The following PRKG1 variants were observed in gnomAD, a reference collection of about 807,000 sequenced individuals.
PRKG1 encodes cGMP-dependent protein kinase 1.
A neutral mutation model predicts 88.1 loss-of-function variants in PRKG1; 35 were observed. That is an observed-to-expected ratio of 0.40 (90% CI 0.30 to 0.53). PRKG1 has a LOEUF of 0.53. PRKG1 is among the 20% of genes least tolerant of loss of function. The pLI, the probability that PRKG1 is intolerant of heterozygous loss-of-function variation, is 0.59. For missense variants in PRKG1, 540 were observed against 839.8 expected, an observed-to-expected ratio of 0.64 and a Z score of 4.41; for synonymous variants, 303 against 292.5, an observed-to-expected ratio of 1.04 and a Z score of -0.37.
chr10:52,023,561 A>G (rs1324972613), intron 5 of PRKG1, among the ~76,000 whole-genome samples: 3 of 152,192 alleles, frequency 2.0e-5, no homozygotes, highest in African/African-American at 4.8e-5. Flanking sequence ...GTTTCTCCAC[A>G]TCCTCTCCAG....
Position 51,114,519 on chromosome 10 carries a change from A to C in PRKG1, c.312-38645A>C, listed in dbSNP as rs557087455. Among the ~76,000 whole-genome samples the C allele has an allele frequency of 5.9e-5, 9 of 152,152 alleles. No individual in the cohort carries two copies. The East Asian group carries it at 1.5e-3, about 26-fold the overall frequency. ...GGAGGGGGACAAGGTGGGAAGGGGA[A>C]CAAGAGAAATATAAAGGTAAATAAC... On this transcript the variant is annotated intron_variant, in intron 1 of 17. Transcript: ENST00000373980.
At chr10:51,969,637 TAGTC>T (rs1396245018) in intron 5 of PRKG1, among the ~76,000 whole-genome samples, 1 of 151,858 alleles carries the variant, frequency 6.6e-6, no homozygotes, top group Non-Finnish European at 1.5e-5. Flanking sequence ...AATATGCAAA[TAGTC>T]AAATAACATA....
intron 13 of PRKG1, among the ~76,000 whole-genome samples, chr10:52,281,706 C>T (rs1345261443): frequency 6.6e-6 from 1 of 152,100 alleles, no homozygotes; most frequent in Non-Finnish European, 1.5e-5. Flanking sequence ...TTCCTGCAAA[C>T]ATAAAATAGC....
intron 12 of PRKG1, among the ~76,000 whole-genome samples, chr10:52,275,280 T>C (rs1348812448): frequency 6.6e-6 from 1 of 152,152 alleles, no homozygotes; most frequent in Admixed American, 6.6e-5. Flanking sequence ...GAAGGGTTTT[T>C]CCAATGCTAT....
chr10:51,609,833 G>A (rs1199176943), intron 3 of PRKG1, among the ~76,000 whole-genome samples: 2 of 152,018 alleles, frequency 1.3e-5, no homozygotes, highest in Non-Finnish European at 2.9e-5. Context: ...ACTGGGGCCT[G>A]TCAGGGATTA....
chr10:52,138,179 G>T (rs1305337869), intron 8 of PRKG1, among the ~76,000 whole-genome samples: 3 of 151,596 alleles, frequency 2.0e-5, no homozygotes, highest in Non-Finnish European at 4.4e-5. Context: ...CTCCTCTTCT[G>T]CCCCAGTTGT....
intron 3 of PRKG1, chr10:51,699,020 A>G: frequency 2.5e-6 from 4 of 1,614,182 alleles, no homozygotes; most frequent in Non-Finnish European, 3.4e-6. Context: ...TCTCATCACT[A>G]CTTGTGCCTG....
chr10:51,813,327 A>G (rs572441007), intron 4 of PRKG1, among the ~76,000 whole-genome samples: 1 of 152,308 alleles, frequency 6.6e-6, no homozygotes, highest in South Asian at 2.1e-4. Flanking sequence ...CAATGCCAAA[A>G]CTTCAGTTAC....
At chr10:51,631,777 C>T (rs1227804756) in intron 3 of PRKG1, among the ~76,000 whole-genome samples, 2 of 152,130 alleles carry the variant, frequency 1.3e-5, no homozygotes, top group Non-Finnish European at 2.9e-5. Flanking sequence ...AGGTGGAGCT[C>T]GGGTGGTAAT....
chr10:52,268,752 A>G (rs1589747512), intron 10 of PRKG1, among the ~76,000 whole-genome samples: 1 of 152,076 alleles, frequency 6.6e-6, no homozygotes, highest in South Asian at 2.1e-4. Context: ...TGGGAAAGAT[A>G]GGAATCATTT....
At chr10:51,491,944 T>C (rs536141205) in intron 3 of PRKG1, among the ~76,000 whole-genome samples, 3 of 152,246 alleles carry the variant, frequency 2.0e-5, no homozygotes, top group South Asian at 4.1e-4. Context: ...TCTCCATGAA[T>C]ACTGAGTGAA....
intron 9 of PRKG1, among the ~76,000 whole-genome samples, chr10:52,227,407 T>C (rs1042623198): frequency 2.0e-5 from 3 of 152,176 alleles, no homozygotes; most frequent in African/African-American, 7.2e-5. Flanking sequence ...GTGCTGAACA[T>C]GTACATACTT....
At chr10:51,302,860 T>C (rs1198956785) in intron 2 of PRKG1, 2 of 152,182 alleles carry the variant, frequency 1.3e-5, no homozygotes, top group Non-Finnish European at 2.9e-5. Context: ...ATTATCCTCC[T>C]TTTTAAAATA....
chr10:51,929,131 G>A (rs1024477887), intron 5 of PRKG1, among the ~76,000 whole-genome samples: 7 of 151,986 alleles, frequency 4.6e-5, no homozygotes, highest in Non-Finnish European at 8.8e-5. Flanking sequence ...ACTTATCTAC[G>A]TTTTTGTTAA....
intron 3 of PRKG1, among the ~76,000 whole-genome samples, chr10:51,686,536 G>A (rs1205146686): frequency 3.3e-5 from 5 of 152,166 alleles, no homozygotes; most frequent in Non-Finnish European, 7.3e-5. Context: ...CTAAAAACAT[G>A]TTTATCTGAA....
intron 2 of PRKG1, among the ~76,000 whole-genome samples, chr10:51,164,006 A>G (rs1267854258): frequency 6.6e-6 from 1 of 152,168 alleles, no homozygotes; most frequent in Non-Finnish European, 1.5e-5. Context: ...ACCTCTGCAG[A>G]CTTAAATGTC....
In PRKG1 at chr10:52,246,876, C is replaced by CAAAAA. The variant is rs756775020; in HGVS notation, c.1077-4675_1077-4671dup. On this transcript the variant is annotated intron_variant, in intron 9 of 17. Coordinates refer to ENST00000373980, the MANE Select transcript of PRKG1 (RefSeq NM_006258.4). Reference sequence around the variant, plus strand: ...GGGCAACAAGAGTGAAACACAGTCTCAAAAAAAAAAAAAAAAAAAAAAAGA... The same window carrying CAAAAA: ...GGGCAACAAGAGTGAAACACAGTCTCAAAAAAAAAAAAAAAAAAAAAAAAAAAAGA... Among the ~76,000 whole-genome samples the CAAAAA allele has an allele frequency of 1.2e-3, 68 of 57,156 alleles. 1 individual carries two copies. The highest frequency in any genetic ancestry group is 1.8e-3 in the Non-Finnish European group (55 of 30,826). 37.5% of individuals were successfully genotyped at this position (57,156 alleles called of 152,430 possible).
chr10:51,695,495 A>C (rs1010478167), intron 3 of PRKG1: 2 of 152,196 alleles, frequency 1.3e-5, no homozygotes, highest in African/African-American at 4.8e-5. Context: ...GTCAGCCTTA[A>C]TTGTATCTTT....
intron 3 of PRKG1, among the ~76,000 whole-genome samples, chr10:51,706,578 C>T (rs1299157180): frequency 6.6e-6 from 1 of 151,936 alleles, no homozygotes; most frequent in Non-Finnish European, 1.5e-5. Context: ...GAAATTAGAC[C>T]AGGCTCAAAT....
Sources: gnomAD v4.1 joint callset for allele counts (sites outside exome capture counted in the v4.1 genomes callset) on GRCh38, gnomAD v4.1.1 for gene constraint, MANE v1.5 for transcripts, NCBI Gene and HGNC (gene_info 2026-07-23, HGNC 2026-07-21) for gene names.